The following KCNQ5 variants were observed in gnomAD, a reference collection of about 807,000 sequenced individuals.
The protein encoded by KCNQ5 is potassium voltage-gated channel subfamily KQT member 5.
Under a neutral mutation model 98.2 loss-of-function variants are expected in KCNQ5, and 30 were observed. The ratio of observed to expected loss-of-function variants is 0.31; its 90% CI spans 0.23 to 0.41. KCNQ5 has a LOEUF of 0.41. KCNQ5 is among the 10% of genes least tolerant of loss of function. KCNQ5 has a pLI of 1.00. For synonymous variants in KCNQ5, 458 were observed against 449.4 expected (o/e 1.02, Z -0.24); for missense variants, 835 against 1,182.5 (o/e 0.71, Z 4.31).
intron 1 of KCNQ5, among the ~76,000 whole-genome samples, chr6:72,998,528 G>A (rs555138607): frequency 1.3e-5 from 2 of 152,192 alleles, no homozygotes; most frequent in South Asian, 4.2e-4. Flanking sequence ...GAGGTCAGGA[G>A]ATCGAGACCA....
At chr6:72,668,651 A>G (rs1390135048) in intron 1 of KCNQ5, among the ~76,000 whole-genome samples, 1 of 151,922 alleles carries the variant, frequency 6.6e-6, no homozygotes, top group Non-Finnish European at 1.5e-5. Flanking sequence ...GGCTTAAACA[A>G]TGGAAACCTC....
At chr6:72,686,772 G>T (rs1346294542) in intron 1 of KCNQ5, among the ~76,000 whole-genome samples, 1 of 142,856 alleles carries the variant, frequency 7.0e-6, no homozygotes. Flanking sequence ...GGACTACTGT[G>T]GTACAGGTTA....
At chr6:72,882,954 A>G (rs1262869467) in intron 1 of KCNQ5, among the ~76,000 whole-genome samples, 2 of 152,150 alleles carry the variant, frequency 1.3e-5, no homozygotes, top group African/African-American at 2.4e-5. Flanking sequence ...TCAATATCCC[A>G]TTTTATCTTC....
chr6:73,035,654 C>T (rs1271148284), intron 2 of KCNQ5, among the ~76,000 whole-genome samples: 1 of 152,106 alleles, frequency 6.6e-6, no homozygotes, highest in South Asian at 2.1e-4. Context: ...ACAATGAGAC[C>T]TCATCCAAAG....
At chr6:73,066,081 G>A (rs1773044085) in intron 3 of KCNQ5, among the ~76,000 whole-genome samples, 1 of 152,220 alleles carries the variant, frequency 6.6e-6, no homozygotes, top group African/African-American at 2.4e-5. Context: ...GAGAGGCGGA[G>A]GTTGCAGTGA....
intron 1 of KCNQ5, among the ~76,000 whole-genome samples, chr6:72,960,038 A>G (rs4708007): frequency 1 from 152,332 of 152,350 alleles, 76,157 homozygotes; most frequent in Non-Finnish European, 1. Flanking sequence ...TATTTTGCGT[A>G]TGCTGAGTTT....
At chr6:72,994,928 T>G (rs1769215020) in intron 1 of KCNQ5, among the ~76,000 whole-genome samples, 1 of 151,948 alleles carries the variant, frequency 6.6e-6, no homozygotes, top group Non-Finnish European at 1.5e-5. Flanking sequence ...CTTGAAAAAA[T>G]GTGATGAATG....
chr6:73,128,048 G>T (rs556217864), intron 9 of KCNQ5, among the ~76,000 whole-genome samples: 1 of 152,168 alleles, frequency 6.6e-6, no homozygotes, highest in African/African-American at 2.4e-5. Context: ...CTGGATGACA[G>T]AGCAAGACTC....
At chr6:72,904,468 G>T (rs1376813704) in intron 1 of KCNQ5, among the ~76,000 whole-genome samples, 1 of 152,122 alleles carries the variant, frequency 6.6e-6, no homozygotes, top group African/African-American at 2.4e-5. Context: ...GGTCCTGTGA[G>T]ATTTATGCTT....
chr6:73,175,855 T>C (rs1778193031), intron 11 of KCNQ5, among the ~76,000 whole-genome samples: 1 of 152,178 alleles, frequency 6.6e-6, no homozygotes, highest in African/African-American at 2.4e-5. Flanking sequence ...TCGGCACTTT[T>C]GGGGAAGGTG....
At chr6:73,109,276 G>A (rs745891292) in intron 6 of KCNQ5, among the ~76,000 whole-genome samples, 14 of 152,160 alleles carry the variant, frequency 9.2e-5, no homozygotes, top group Non-Finnish European at 1.5e-4. Context: ...GTGCTATGTA[G>A]GGCCTGTCTT....
chr6:73,075,142 G>C (rs928140701), intron 3 of KCNQ5, among the ~76,000 whole-genome samples: 2 of 151,742 alleles, frequency 1.3e-5, no homozygotes, highest in Non-Finnish European at 2.9e-5. Context: ...AATTTACAAA[G>C]TGAAAAGCCC....
chr6:72,998,731 C>T (rs865945562), intron 1 of KCNQ5, among the ~76,000 whole-genome samples: 17 of 149,650 alleles, frequency 1.1e-4, no homozygotes, highest in African/African-American at 3.7e-4. Context: ...AGTGAGACTC[C>T]ATCTCAAAAA....
chr6:72,713,963 C>T (rs1769506600), intron 1 of KCNQ5, among the ~76,000 whole-genome samples: 1 of 152,188 alleles, frequency 6.6e-6, no homozygotes, highest in South Asian at 2.1e-4. Context: ...ATGCCTTTTT[C>T]ATCTCATTTC....
At chr6:72,853,940 T>A (rs1159757695) in intron 1 of KCNQ5, among the ~76,000 whole-genome samples, 2 of 152,218 alleles carry the variant, frequency 1.3e-5, no homozygotes, top group Non-Finnish European at 2.9e-5. Flanking sequence ...AAAGGTATAT[T>A]TATGACTTTC....
chr6:72,689,331 AAAC>A (rs1329934102), intron 1 of KCNQ5, among the ~76,000 whole-genome samples: 2 of 152,194 alleles, frequency 1.3e-5, no homozygotes, highest in Non-Finnish European at 2.9e-5. Flanking sequence ...CACACAGAAA[AAAC>A]AAAACAGAAA....
At chr6:72,742,757 T>A (rs1048375652) in intron 1 of KCNQ5, among the ~76,000 whole-genome samples, 3 of 152,224 alleles carry the variant, frequency 2.0e-5, no homozygotes, top group African/African-American at 4.8e-5. Flanking sequence ...GCAGTGATAT[T>A]CCTTTAGGCC....
chr6:73,074,612 G>C (rs1367236857), intron 3 of KCNQ5, among the ~76,000 whole-genome samples: 1 of 152,000 alleles, frequency 6.6e-6, no homozygotes, highest in Non-Finnish European at 1.5e-5. Context: ...TTGTGCTGTA[G>C]TCTAACAAAC....
chr6:73,119,634 A>G, intron 7 of KCNQ5, among the ~76,000 whole-genome samples: 1 of 152,206 alleles, frequency 6.6e-6, no homozygotes, highest in East Asian at 1.9e-4. Context: ...AGTATTACAT[A>G]GTTCAAGGAT....
Sources: allele counts gnomAD v4.1 joint callset (sites outside exome capture counted in the v4.1 genomes callset), GRCh38; gene constraint gnomAD v4.1.1; transcripts MANE v1.5; gene names NCBI Gene and HGNC (gene_info 2026-07-23, HGNC 2026-07-21).